Variants in PRL observed in about 807,000 individuals in gnomAD.
The protein encoded by PRL is decidual prolactin.
Under a neutral mutation model 21.3 loss-of-function variants are expected in PRL, and 24 were observed. That is an observed-to-expected ratio of 1.13 (90% CI 0.82 to 1.59). The LOEUF (loss-of-function observed/expected upper bound fraction) is 1.59. Ranked by LOEUF, PRL falls within the 40% of genes most tolerant of loss-of-function variation. The pLI is 0.00. For synonymous variants in PRL, 118 were observed against 115.7 expected, an observed-to-expected ratio of 1.02 and a Z score of -0.13; for missense variants, 243 against 286.9, an observed-to-expected ratio of 0.85 and a Z score of 1.10.
chr6:22,301,368 G>A (rs1011895383), upstream of PRL, among the ~76,000 whole-genome samples: 1 of 152,138 alleles, frequency 6.6e-6, no homozygotes, highest in Non-Finnish European at 1.5e-5. Context: ...AAGCTATAGC[G>A]ATAGATCAGG....
intron 1 of PRL, among the ~76,000 whole-genome samples, chr6:22,295,936 G>C (rs147798908): frequency 1.1e-4 from 17 of 152,280 alleles, no homozygotes; most frequent in African/African-American, 2.4e-4. Context: ...GACTAAATCT[G>C]TTAGTTGTAA....
In PRL at chr6:22,288,936, A is replaced by G. The variant is rs548717784; in HGVS notation, c.492+1238T>C. On this transcript the variant is annotated intron_variant, in intron 4 of 4. Transcript: ENST00000306482. The surrounding 1 kb of genome is among the most constrained non-coding windows in gnomAD (Gnocchi z 4.5). ...TGTGTGTGCGTGCGCGTGTGTGTGC[A>G]TGTGTGTGTGCGTGCGCGTGTGTGT... Among the ~76,000 whole-genome samples the G allele has an allele frequency of 3.9e-4, 58 of 148,956 alleles. No homozygotes were observed. The South Asian group carries it at 6.2e-3, about 16-fold the overall frequency.
intron 2 of PRL, 87 bp downstream of exon 2, chr6:22,294,322 G>C (rs1581387360): frequency 1.3e-6 from 2 of 1,495,332 alleles, no homozygotes; most frequent in South Asian, 1.2e-5. Flanking sequence ...AATTTGGCTC[G>C]GGAGGTTTTC....
At position 22,290,275 on chromosome 6, in the gene PRL, G is replaced by A. The variant is rs764728645; in HGVS notation, c.391C>T (p.Arg131Cys). Reference protein sequence around the residue: ...EPLYHLVTEVRGMQEAPEAIL... With the variant: ...EPLYHLVTEVCGMQEAPEAIL... ...GCCTCCGGGGCTTCTTGCATACCAC[G>A]TACTTCCGTGACCAGATGATACAGA... is the stretch of plus-strand genomic sequence containing the variant. The change falls in exon 4 of 5, where the codon CGT becomes TGT. Residue 131 changes from arginine (R) to cysteine (C), a missense_variant. By Grantham distance (180) the Arg-to-Cys change is radical. Coordinates refer to ENST00000306482, the MANE Select transcript of PRL (RefSeq NM_000948.6). The A allele has an allele frequency of 6.2e-6, 10 of 1,612,318 alleles. No homozygotes were observed. Among genetic ancestry groups the A allele is most frequent in the East Asian group, 4.5e-5 (2 of 44,884 alleles).
rs953721389 is a variant in PRL at position 22,288,768 on chromosome 6, G to A, written c.493-1175C>T. On this transcript the variant is annotated intron_variant, in intron 4 of 4. Transcript: ENST00000306482. This position sits in a 1 kb window ranked among gnomAD's most constrained non-coding sequence, Gnocchi z 4.5. ...GTCAGCTAGTTTGGAGAGTTATTAG[G>A]TATATATCTGGATGTAGACGCCGAT... 1.2e-4 allele frequency among the ~76,000 whole-genome samples: 19 copies of A among 152,138 alleles called. No individual in the cohort carries two copies. Among genetic ancestry groups the A allele is most frequent in the Admixed American group, 2.0e-4 (3 of 15,280 alleles).
At chr6:22,292,876 C>T (rs1761084950) in intron 2 of PRL, among the ~76,000 whole-genome samples, 1 of 152,126 alleles carries the variant, frequency 6.6e-6, no homozygotes, top group African/African-American at 2.4e-5. Context: ...GTTTTTCCTT[C>T]TTTGCAATTC....
chr6:22,296,945 T>A lies in PRL; in HGVS notation c.28+10A>T, dbSNP rs1376051503. 4.3e-6 allele frequency: 7 copies of A among 1,613,804 alleles called. No individual in the cohort carries two copies. The highest frequency in any genetic ancestry group is 5.9e-6 in the Non-Finnish European group (7 of 1,179,758). ...ATACAACCAACAACGCAGTGAGTTG[T>A]CACACATACCTTTCCATGGCGATCC... On this transcript the variant is annotated intron_variant, in intron 1 of 4. Transcript: ENST00000306482.
intron 2 of PRL, among the ~76,000 whole-genome samples, chr6:22,293,305 G>T (rs1002875672): frequency 2.0e-5 from 3 of 152,080 alleles, no homozygotes; most frequent in African/African-American, 7.2e-5. Flanking sequence ...ACATTGACAG[G>T]AAAGACTAGT....
upstream of PRL, chr6:22,297,340 T>C (rs1761200299): frequency 4.1e-6 from 1 of 246,804 alleles, no homozygotes; most frequent in African/African-American, 2.2e-5. Flanking sequence ...TCATTTACTT[T>C]AAAATTTATC....
upstream of PRL, among the ~76,000 whole-genome samples, chr6:22,301,900 G>A (rs1211178081): frequency 6.6e-6 from 1 of 152,052 alleles, no homozygotes; most frequent in Non-Finnish European, 1.5e-5. Context: ...ATGCTCTGAT[G>A]TCCAACAGTA....
chr6:22,297,700 T>C (rs1761206454), upstream of PRL, among the ~76,000 whole-genome samples: 1 of 152,220 alleles, frequency 6.6e-6, no homozygotes, highest in South Asian at 2.1e-4. Flanking sequence ...TTTCTTTTGA[T>C]TTTAACATAT....
At chr6:22,300,168 G>T (rs1761257403), upstream of PRL, among the ~76,000 whole-genome samples, 2 of 151,960 alleles carry the variant, frequency 1.3e-5, no homozygotes, top group South Asian at 2.1e-4. Flanking sequence ...GGTTTTTTTT[G>T]AATGGCACTA....
intron 2 of PRL, among the ~76,000 whole-genome samples, chr6:22,293,526 C>T (rs1487482574): frequency 1.4e-5 from 2 of 146,824 alleles, no homozygotes; most frequent in African/African-American, 2.5e-5. Flanking sequence ...CCTATGATTT[C>T]CAAAATAGGT....
chr6:22,292,307 C>T (rs1761067138), intron 3 of PRL, among the ~76,000 whole-genome samples: 1 of 152,200 alleles, frequency 6.6e-6, no homozygotes, highest in Non-Finnish European at 1.5e-5. Context: ...ATAATGTTAT[C>T]TGCAAGGACA....
intron 1 of PRL, 45 bp downstream of exon 1, chr6:22,296,910 A>T: frequency 1.9e-6 from 3 of 1,594,588 alleles, no homozygotes; most frequent in Non-Finnish European, 2.6e-6. Flanking sequence ...ATCCCCCCAC[A>T]GGAGTGTTGA....
upstream of PRL, among the ~76,000 whole-genome samples, chr6:22,302,162 T>G (rs535475598): frequency 3.3e-5 from 5 of 152,300 alleles, no homozygotes; most frequent in Admixed American, 6.5e-5. Context: ...CAAGCTGATT[T>G]TTTATCAGTT....
In PRL at chr6:22,288,046, A is replaced by G. The variant is rs1760960095; in HGVS notation, c.493-453T>C. Among the ~76,000 whole-genome samples the G allele has an allele frequency of 6.6e-6, 1 of 152,104 alleles. No homozygotes were observed. Among genetic ancestry groups the G allele is most frequent in the Non-Finnish European group, 1.5e-5 (1 of 68,022 alleles). On this transcript the variant is annotated intron_variant, in intron 4 of 4. Transcript: ENST00000306482. This position sits in a 1 kb window ranked among gnomAD's most constrained non-coding sequence, Gnocchi z 4.5. ...ACTCAATCTATTGCCTATCTAGTGT[A>G]TGTTCCAAAAACTTTAAAAAAGATG...
intron 2 of PRL, 132 bp downstream of exon 2, chr6:22,294,277 G>T: frequency 1.0e-6 from 1 of 967,836 alleles, no homozygotes; most frequent in Non-Finnish European, 1.6e-6. Context: ...TTATGAGCTG[G>T]TGTCTTCTTT....
chr6:22,296,627 C>T (rs1366900092), intron 1 of PRL, among the ~76,000 whole-genome samples: 1 of 152,214 alleles, frequency 6.6e-6, no homozygotes, highest in Non-Finnish European at 1.5e-5. Context: ...GTTCTGGGGG[C>T]TGTCCCGTGC....
Sources: gnomAD v4.1 joint callset for allele counts (sites outside exome capture counted in the v4.1 genomes callset) on GRCh38, gnomAD v4.1.1 for gene constraint, Gnocchi (gnomAD v3.1) non-coding constraint, MANE v1.5 for transcripts, NCBI Gene and HGNC (gene_info 2026-07-23, HGNC 2026-07-21) for gene names.